Variants in MAPK3 observed in about 807,000 individuals in gnomAD.
MAPK3 encodes mitogen-activated protein kinase 3.
A neutral mutation model predicts 41.8 loss-of-function variants in MAPK3; 30 were observed. That is an observed-to-expected ratio of 0.72 (90% CI 0.54 to 0.97). The LOEUF is 0.97. Among genes scored for constraint, MAPK3 ranks in the 50% least tolerant of loss-of-function variants. MAPK3 has a pLI of 0.00. For synonymous variants in MAPK3, 222 were observed against 213.4 expected, an observed-to-expected ratio of 1.04 and a Z score of -0.35; for missense variants, 413 against 509.9, an observed-to-expected ratio of 0.81 and a Z score of 1.83.
intron 1 of MAPK3, 162 bp downstream of exon 1, chr16:30,122,878 C>T: frequency 1.7e-6 from 1 of 579,010 alleles, no homozygotes; most frequent in South Asian, 3.1e-5. Context: ...CCAGAAAGCA[C>T]TCAGGGGCCC....
rs1330587787 is a variant in MAPK3 at position 30,116,769 on chromosome 16, T to G, written c.1039A>C (p.Thr347Pro). The G allele has an allele frequency of 6.2e-7, 1 of 1,613,774 alleles. No individual in the cohort carries two copies. The highest frequency in any genetic ancestry group is 8.5e-7 in the Non-Finnish European group (1 of 1,179,944). ...TDEPVAEEPF[T>P]FAMELDDLPK... ...AGGTCATCCAGCTCCATGGCGAAGG[T>G]GAAGGGCTCCTCGGCCACTGGCTGG... Residue 347 changes from threonine (T) to proline (P), a missense_variant, in exon 8 of 9, where the codon ACC becomes CCC. Physicochemically the swap from Thr to Pro is conservative, Grantham distance 38. Transcript: ENST00000263025.
At position 30,123,144 on chromosome 16, in the gene MAPK3, C is replaced by T. The variant is rs541078439; in HGVS notation, c.66G>A (p.Pro22=). Residue 22 remains proline (P), a synonymous_variant, in exon 1 of 9, where the codon CCG becomes CCA. Coordinates refer to ENST00000263025, the MANE Select transcript of MAPK3 (RefSeq NM_002746.3). ...CCATCTCCACCTCCCCCGGGACCCC[C>T]GGGCCGACCCCCTCGGTTCTACGGG... is the stretch of plus-strand genomic sequence containing the variant. ...GEPRRTEGVG[P]GVPGEVEMVK... The T allele has an allele frequency of 1.3e-6, 2 of 1,535,282 alleles. No individual in the cohort carries two copies. Among genetic ancestry groups the T allele is most frequent in the Non-Finnish European group, 1.8e-6 (2 of 1,140,698 alleles).
intron 8 of MAPK3, among the ~76,000 whole-genome samples, chr16:30,116,279 T>C (rs903795250): frequency 1.3e-5 from 2 of 152,074 alleles, no homozygotes; most frequent in Non-Finnish European, 2.9e-5. Flanking sequence ...CCTCAGGTGA[T>C]CCACTTGCCT....
At chr16:30,121,775 C>A in intron 2 of MAPK3, 49 bp downstream of exon 2, 1 of 1,576,234 alleles carries the variant, frequency 6.3e-7, no homozygotes. Context: ...GTCCCCAGCC[C>A]AGCTGCGAGG....
chr16:30,122,899 A>C (rs2151048446), intron 1 of MAPK3, 141 bp downstream of exon 1: 65 of 644,534 alleles, frequency 1.0e-4, no homozygotes, highest in Middle Eastern at 5.0e-4. Context: ...CCTCCCTGGG[A>C]CGCTCCCGAT....
chr16:30,119,495 T>G (rs575982492), intron 2 of MAPK3, among the ~76,000 whole-genome samples: 51 of 152,306 alleles, frequency 3.3e-4, no homozygotes, highest in African/African-American at 1.2e-3. Context: ...ATGGCGCATG[T>G]AAAGCTGTCA....
chr16:30,120,536 G>T (rs187685328), intron 2 of MAPK3, among the ~76,000 whole-genome samples: 1 of 152,246 alleles, frequency 6.6e-6, no homozygotes, highest in Admixed American at 6.5e-5. Flanking sequence ...TCCCTCCCTG[G>T]GCAAGGTGCA....
Position 30,116,760 on chromosome 16 carries a change from T to A in MAPK3, c.1048A>T (p.Met350Leu). Residue 350 changes from methionine to leucine, a missense_variant, in exon 8 of 9, where the codon ATG (methionine) becomes TTG (leucine). Coordinates refer to ENST00000263025, the MANE Select transcript of MAPK3 (RefSeq NM_002746.3). Reference protein sequence around the residue: ...PVAEEPFTFAMELDDLPKERL... With the variant: ...PVAEEPFTFALELDDLPKERL... ...TCCTTAGGTAGGTCATCCAGCTCCATGGCGAAGGTGAAGGGCTCCTCGGCC... is the reference window on the plus strand; with the variant it reads ...TCCTTAGGTAGGTCATCCAGCTCCAAGGCGAAGGTGAAGGGCTCCTCGGCC... 1 of 1,613,854 alleles carries A rather than the reference T, an allele frequency of 6.2e-7. No homozygotes were observed. The highest frequency in any genetic ancestry group is 1.7e-5 in the Admixed American group (1 of 59,986).
intron 8 of MAPK3, chr16:30,116,143 T>TC (rs2072952204): frequency 6.6e-6 from 1 of 152,146 alleles, no homozygotes; most frequent in Admixed American, 6.4e-5. Flanking sequence ...CAAGCAGTCC[T>TC]CCCACCACAG....
At chr16:30,117,307 G>T in intron 5 of MAPK3, 22 bp from the exon 6 acceptor site, 2 of 1,612,324 alleles carry the variant, frequency 1.2e-6, no homozygotes, top group South Asian at 2.2e-5. Context: ...GAGGTGACTT[G>T]GTAAATGATC....
At chr16:30,123,008 A>ACCAT in intron 1 of MAPK3, 32 bp downstream of exon 1, 1 of 1,302,884 alleles carries the variant, frequency 7.7e-7, no homozygotes, top group Non-Finnish European at 1.0e-6. Flanking sequence ...CCCTCCCCTG[A>ACCAT]GGGCACCCCC....
intron 5 of MAPK3, 114 bp downstream of exon 5, chr16:30,117,556 C>T (rs2072969724): frequency 8.3e-6 from 7 of 845,130 alleles, no homozygotes; most frequent in Non-Finnish European, 1.0e-5. Flanking sequence ...CATTGAGATA[C>T]CATGAGATGC....
chr16:30,119,212 G>A (rs940517325), intron 2 of MAPK3, among the ~76,000 whole-genome samples: 1 of 151,578 alleles, frequency 6.6e-6, no homozygotes, highest in Admixed American at 6.6e-5. Flanking sequence ...ACCCATGGAT[G>A]TCTGAAATCT....
rs113312267 is a variant in MAPK3 at position 30,117,006 on chromosome 16, A to G, written c.908-3T>C. 1.9e-6 allele frequency: 3 copies of G among 1,599,332 alleles called. No individual in the cohort carries two copies. Among genetic ancestry groups the G allele is most frequent in the Admixed American group, 3.4e-5 (2 of 59,192 alleles). Reference sequence around the variant, plus strand: ...CATCCGGTCCAGCAGGTCAAGGGCTATGGAAGGGCAGGAGTCAGGGGTCAC... The same window carrying G: ...CATCCGGTCCAGCAGGTCAAGGGCTGTGGAAGGGCAGGAGTCAGGGGTCAC... On this transcript the variant is annotated splice_polypyrimidine_tract_variant and splice_region_variant and intron_variant, in intron 6 of 8. Transcript: ENST00000263025.
intron 3 of MAPK3, 56 bp from the exon 4 acceptor site, chr16:30,118,219 G>A: frequency 6.3e-7 from 1 of 1,580,396 alleles, no homozygotes. Flanking sequence ...AGCCTAAGCA[G>A]TCACGCCCCC....
chr16:30,122,284 T>C (rs747535500), intron 1 of MAPK3: 4 of 504,492 alleles, frequency 7.9e-6, no homozygotes, highest in Non-Finnish European at 1.4e-5. Context: ...CTACTGGCCC[T>C]GAACCCTTCG....
At chr16:30,122,934 G>C (rs903648704) in intron 1 of MAPK3, 106 bp downstream of exon 1, 13 of 1,062,164 alleles carry the variant, frequency 1.2e-5, no homozygotes, top group East Asian at 3.3e-5. Context: ...TGCCTCCTCG[G>C]GACGCTCCGC....
At chr16:30,119,465 G>A (rs1374534894) in intron 2 of MAPK3, among the ~76,000 whole-genome samples, 2 of 152,118 alleles carry the variant, frequency 1.3e-5, no homozygotes, top group African/African-American at 4.8e-5. Context: ...TTTTGAGGGT[G>A]GTTGTGAAGA....
intron 2 of MAPK3, 67 bp from the exon 3 acceptor site, chr16:30,118,605 G>GCT: frequency 8.1e-6 from 11 of 1,366,392 alleles, no homozygotes; most frequent in South Asian, 1.3e-5. Context: ...AGGAAAACAG[G>GCT]CTCTGAAGGC....
Sources: allele counts gnomAD v4.1 joint callset (sites outside exome capture counted in the v4.1 genomes callset), GRCh38; gene constraint gnomAD v4.1.1; transcripts MANE v1.5; gene names NCBI Gene and HGNC (gene_info 2026-07-23, HGNC 2026-07-21).